LRFN5: variants seen among roughly 807,000 people sequenced by gnomAD.
LRFN5 encodes the protein leucine-rich repeat and fibronectin type-III domain-containing protein 5.
LRFN5 carries 24 observed loss-of-function variants against 45.6 expected under a neutral mutation model. That is an observed-to-expected ratio of 0.53 (90% CI 0.38 to 0.74). The LOEUF is 0.74. Among genes scored for constraint, LRFN5 ranks in the 30% least tolerant of loss-of-function variants. The pLI is 0.00. For synonymous variants in LRFN5, 340 were observed against 313.8 expected (o/e 1.08, Z -0.88); for missense variants, 776 against 861.5 (o/e 0.90, Z 1.24).
At chr14:41,648,098 G>A (rs186730625) in intron 1 of LRFN5, among the ~76,000 whole-genome samples, 3 of 152,108 alleles carry the variant, frequency 2.0e-5, no homozygotes, top group Admixed American at 1.3e-4. Flanking sequence ...ACATACAAGC[G>A]CCATCAGCAT....
chr14:41,866,982 T>G (rs1265112890), intron 2 of LRFN5, among the ~76,000 whole-genome samples: 1 of 152,158 alleles, frequency 6.6e-6, no homozygotes, highest in Non-Finnish European at 1.5e-5. Flanking sequence ...GTTGTCAATG[T>G]AATTTATCTT....
chr14:41,714,530 T>G (rs2138754036), intron 1 of LRFN5, among the ~76,000 whole-genome samples: 1 of 152,258 alleles, frequency 6.6e-6, no homozygotes, highest in South Asian at 2.1e-4. Flanking sequence ...TTTACTATAA[T>G]CAGAACTAAT....
At chr14:41,739,277 T>A (rs56072302) in intron 1 of LRFN5, among the ~76,000 whole-genome samples, 5 of 151,908 alleles carry the variant, frequency 3.3e-5, no homozygotes, top group Non-Finnish European at 5.9e-5. Flanking sequence ...CTTAGCTATT[T>A]GGGAGGGTGG....
intron 2 of LRFN5, among the ~76,000 whole-genome samples, chr14:41,793,771 C>A (rs1887021019): frequency 6.6e-6 from 1 of 151,966 alleles, no homozygotes; most frequent in Admixed American, 6.6e-5. Flanking sequence ...ATGGATGAAG[C>A]ACAAAAGCAG....
intron 2 of LRFN5, among the ~76,000 whole-genome samples, chr14:41,783,220 A>AG (rs1886597495): frequency 1.3e-5 from 2 of 152,144 alleles, no homozygotes; most frequent in South Asian, 4.1e-4. Flanking sequence ...ATAAGAATGT[A>AG]GGGGGAGACT....
chr14:41,879,464 A>G (rs1418251436), intron 2 of LRFN5, among the ~76,000 whole-genome samples: 1 of 151,562 alleles, frequency 6.6e-6, no homozygotes, highest in African/African-American at 2.4e-5. Flanking sequence ...CAAATACCAC[A>G]TTTTCTTTCC....
At chr14:41,750,346 G>T (rs7147389) in intron 1 of LRFN5, among the ~76,000 whole-genome samples, 15,594 of 148,954 alleles carry the variant, frequency 0.1, 1,351 homozygotes, top group African/African-American at 0.24. Context: ...TTTCTATATA[G>T]AGAGAGAGAT....
intron 1 of LRFN5, among the ~76,000 whole-genome samples, chr14:41,609,356 T>A (rs975705293): frequency 2.6e-5 from 4 of 151,468 alleles, no homozygotes; most frequent in African/African-American, 9.7e-5. Context: ...TTTATCCCTG[T>A]ATAATAGATA....
chr14:41,813,959 T>G (rs1339167112), intron 2 of LRFN5, among the ~76,000 whole-genome samples: 1 of 152,204 alleles, frequency 6.6e-6, no homozygotes, highest in Non-Finnish European at 1.5e-5. Context: ...ATAAATGTCT[T>G]CTTCTGAAAA....
At chr14:41,709,251 A>G (rs1009729124) in intron 1 of LRFN5, among the ~76,000 whole-genome samples, 14 of 152,098 alleles carry the variant, frequency 9.2e-5, no homozygotes, top group African/African-American at 3.4e-4. Flanking sequence ...AATATGCTGA[A>G]ATTAACACAA....
At chr14:41,753,309 A>T (rs889170765) in intron 1 of LRFN5, among the ~76,000 whole-genome samples, 2 of 152,180 alleles carry the variant, frequency 1.3e-5, no homozygotes, top group Admixed American at 1.3e-4. Flanking sequence ...GAAGAAAGTC[A>T]TTGGTAGCTT....
chr14:41,774,841 A>T (rs1005887527), intron 2 of LRFN5, among the ~76,000 whole-genome samples: 9 of 152,176 alleles, frequency 5.9e-5, no homozygotes, highest in Non-Finnish European at 1.0e-4. Flanking sequence ...TAGGCGATAT[A>T]TAGGTTAGTT....
intron 1 of LRFN5, among the ~76,000 whole-genome samples, chr14:41,760,946 G>A (rs1465289533): frequency 2.6e-5 from 4 of 152,134 alleles, no homozygotes; most frequent in African/African-American, 9.7e-5. Flanking sequence ...AAGCCCCAAT[G>A]TCCATTTGGA....
At chr14:41,738,290 C>A (rs1001147221) in intron 1 of LRFN5, among the ~76,000 whole-genome samples, 1 of 152,026 alleles carries the variant, frequency 6.6e-6, no homozygotes, top group Non-Finnish European at 1.5e-5. Flanking sequence ...ACTGGCTAGC[C>A]GTATGCAGAA....
chr14:41,806,771 T>C (rs1887539786), intron 2 of LRFN5, among the ~76,000 whole-genome samples: 1 of 152,144 alleles, frequency 6.6e-6, no homozygotes, highest in Admixed American at 6.6e-5. Flanking sequence ...CCTGCCTGCT[T>C]ACCGTACACA....
chr14:41,639,130 T>C (rs896162172), intron 1 of LRFN5, among the ~76,000 whole-genome samples: 1 of 152,040 alleles, frequency 6.6e-6, no homozygotes, highest in African/African-American at 2.4e-5. Flanking sequence ...GCTGAAATTA[T>C]ATATGTATAA....
chr14:41,713,148 C>G (rs1883352562), intron 1 of LRFN5, among the ~76,000 whole-genome samples: 1 of 152,018 alleles, frequency 6.6e-6, no homozygotes. Flanking sequence ...AGCTGTAGAA[C>G]CAGCTACTGA....
At chr14:41,842,187 C>G (rs979260337) in intron 2 of LRFN5, among the ~76,000 whole-genome samples, 11 of 151,932 alleles carry the variant, frequency 7.2e-5, no homozygotes, top group African/African-American at 1.2e-4. Context: ...GCAGGTTAAA[C>G]CTAAACATCT....
At chr14:41,635,900 A>G (rs746564601) in intron 1 of LRFN5, among the ~76,000 whole-genome samples, 4 of 152,150 alleles carry the variant, frequency 2.6e-5, no homozygotes, top group Non-Finnish European at 5.9e-5. Flanking sequence ...AAAGAGCTCC[A>G]TTCTAAATTT....
Sources: gnomAD v4.1 joint callset for allele counts (sites outside exome capture counted in the v4.1 genomes callset) on GRCh38, gnomAD v4.1.1 for gene constraint, MANE v1.5 for transcripts, NCBI Gene and HGNC (gene_info 2026-07-23, HGNC 2026-07-21) for gene names.